Variants in RAD54L2 observed in about 807,000 individuals in gnomAD.
The protein encoded by RAD54L2 is RAD54 like 2.
A neutral mutation model predicts 138.4 loss-of-function variants in RAD54L2; 27 were observed. The ratio of observed to expected loss-of-function variants is 0.20; its 90% CI spans 0.14 to 0.27. The LOEUF is 0.27. RAD54L2 is among the 10% of genes least tolerant of loss of function. The pLI, the probability that RAD54L2 is intolerant of heterozygous loss-of-function variation, is 1.00. For synonymous variants in RAD54L2, 644 were observed against 723.2 expected, an observed-to-expected ratio of 0.89 and a Z score of 1.76; for missense variants, 1,396 against 1,890.2, an observed-to-expected ratio of 0.74 and a Z score of 4.85.
At chr3:51,611,164 T>C (rs1700317317) in intron 3 of RAD54L2, among the ~76,000 whole-genome samples, 1 of 152,074 alleles carries the variant, frequency 6.6e-6, no homozygotes, top group Admixed American at 6.6e-5. Context: ...AGAGGAGCTC[T>C]TGTTTCCTCT....
chr3:51,643,580 G>A (rs1191990652), intron 15 of RAD54L2, among the ~76,000 whole-genome samples: 1 of 152,146 alleles, frequency 6.6e-6, no homozygotes, highest in Non-Finnish European at 1.5e-5. Context: ...AATTCCCTAG[G>A]TGATTACTAT....
intron 3 of RAD54L2, among the ~76,000 whole-genome samples, chr3:51,619,019 G>A (rs1700509405): frequency 1.3e-5 from 2 of 152,146 alleles, no homozygotes; most frequent in South Asian, 4.1e-4. Context: ...GAGGCCTCTT[G>A]TCTGTTGGAA....
chr3:51,593,949 AT>A (rs879672781), intron 3 of RAD54L2, among the ~76,000 whole-genome samples: 36 of 148,866 alleles, frequency 2.4e-4, no homozygotes, highest in Admixed American at 4.0e-4. Flanking sequence ...TAATTTTTAG[AT>A]TTTTTTTCTA....
rs778807947 is a variant in RAD54L2 at position 51,633,768 on chromosome 3, T to A, written c.1008+9T>A. On this transcript the variant is annotated intron_variant, in intron 8 of 22. Coordinates refer to ENST00000684192, the MANE Select transcript of RAD54L2 (RefSeq NM_015106.4). ...TCCTTGCCATTGTGCCGGTAAGAGT[T>A]TTTGGGAAGGCACCACTTAAGTCAC... 1 of 1,613,526 alleles carries A rather than the reference T, an allele frequency of 6.2e-7. No homozygotes were observed. Among genetic ancestry groups the A allele is most frequent in the Admixed American group, 1.7e-5 (1 of 60,016 alleles).
chr3:51,567,455 AT>A (rs1559619477), intron 2 of RAD54L2, among the ~76,000 whole-genome samples: 1 of 151,908 alleles, frequency 6.6e-6, no homozygotes, highest in Admixed American at 6.6e-5. Context: ...AACTTTTGCA[AT>A]TTTTTTGTTT....
chr3:51,646,525 A>G, intron 19 of RAD54L2, 44 bp downstream of exon 19: 1 of 1,477,812 alleles, frequency 6.8e-7, no homozygotes, highest in Non-Finnish European at 9.2e-7. Context: ...GCCAGGCACA[A>G]ACACCTTTCA....
intron 3 of RAD54L2, among the ~76,000 whole-genome samples, chr3:51,607,987 G>A (rs1365045809): frequency 4.1e-5 from 6 of 147,122 alleles, no homozygotes; most frequent in South Asian, 2.2e-4. Context: ...CCCACCTCCC[G>A]GGCGGGGCAG....
intron 2 of RAD54L2, among the ~76,000 whole-genome samples, chr3:51,558,509 G>T (rs1435575005): frequency 6.6e-6 from 1 of 151,384 alleles, no homozygotes; most frequent in East Asian, 1.9e-4. Context: ...TTGCTGTGTT[G>T]CTCAGGCTAG....
In RAD54L2 at chr3:51,665,952, G is replaced by C. The variant is rs1037193310; in HGVS notation, c.*2532G>C. 1 of 152,198 alleles carries C rather than the reference G, an allele frequency of 6.6e-6. No individual in the cohort carries two copies. The highest frequency in any genetic ancestry group is 1.5e-5 in the Non-Finnish European group (1 of 68,046). The allele number at this position is 152,198 out of a possible 1,614,324, so 9.4% of individuals were successfully genotyped here. On this transcript the variant is annotated 3_prime_UTR_variant, in exon 23 of 23. Transcript: ENST00000684192. ...CCCTGGAGGGATGGGCTTGGCTTTTGAAGTTGACAGAAAGTAAATGGGTAT... is the reference window on the plus strand; with the variant it reads ...CCCTGGAGGGATGGGCTTGGCTTTTCAAGTTGACAGAAAGTAAATGGGTAT...
chr3:51,661,922 T>A (rs1701787408), intron 22 of RAD54L2, among the ~76,000 whole-genome samples: 1 of 152,222 alleles, frequency 6.6e-6, no homozygotes. Context: ...CACAATATCA[T>A]TATTACACTA....
intron 3 of RAD54L2, among the ~76,000 whole-genome samples, chr3:51,596,300 G>A (rs942000339): frequency 2.0e-5 from 3 of 150,616 alleles, no homozygotes; most frequent in Non-Finnish European, 4.4e-5. Flanking sequence ...CCGTGATAGG[G>A]AGCCCAGACC....
At position 51,637,546 on chromosome 3, in the gene RAD54L2, C is replaced by G; in HGVS notation, c.1682+43C>G. On this transcript the variant is annotated intron_variant, in intron 11 of 22. Coordinates refer to ENST00000684192, the MANE Select transcript of RAD54L2 (RefSeq NM_015106.4). The surrounding 1 kb of genome is among the most constrained non-coding windows in gnomAD (Gnocchi z 5.9). ...TCCTGCTTCCTGAATTTTCAGAGGGCCCTGTTGCCAAGGGCATGCCAAACC... is the reference window on the plus strand; with the variant it reads ...TCCTGCTTCCTGAATTTTCAGAGGGGCCTGTTGCCAAGGGCATGCCAAACC... 6.4e-7 allele frequency: 1 copy of G among 1,556,674 alleles called. No homozygotes were observed. Among genetic ancestry groups the G allele is most frequent in the Non-Finnish European group, 8.7e-7 (1 of 1,146,274 alleles).
rs752796793 is a variant in RAD54L2, at chr3:51,550,863, ATGG to A, written c.-55+9216_-55+9218del. 1.3e-4 allele frequency among the ~76,000 whole-genome samples: 20 copies of A among 152,248 alleles called. No homozygotes were observed. In the East Asian group the frequency reaches 2.7e-3, roughly 21 times the overall value. Reference sequence around the variant, plus strand: ...GGAATTCAAGAACTGCCGGGCCAACATGGTGAAACCCTGTGCTTACTAAAAATA... The same window carrying A: ...GGAATTCAAGAACTGCCGGGCCAACATGAAACCCTGTGCTTACTAAAAATA... On this transcript the variant is annotated intron_variant, in intron 2 of 22. Coordinates refer to ENST00000684192, the MANE Select transcript of RAD54L2 (RefSeq NM_015106.4).
chr3:51,608,120 G>A lies in RAD54L2; in HGVS notation c.139+17561G>A, dbSNP rs187008990. On this transcript the variant is annotated intron_variant, in intron 3 of 22. Coordinates refer to ENST00000684192, the MANE Select transcript of RAD54L2 (RefSeq NM_015106.4). ...TCCTCACTTCTCAGACGGGGCGGCC[G>A]GTCAGAGACGCTCCTCACCTCCCAG... 1.0e-2 allele frequency among the ~76,000 whole-genome samples: 1,517 copies of A among 151,732 alleles called. 26 individuals are homozygous for A. The highest frequency in any genetic ancestry group is 0.034 in the African/African-American group (1,423 of 41,344).
chr3:51,605,842 T>G (rs1482489781), intron 3 of RAD54L2, among the ~76,000 whole-genome samples: 1 of 152,202 alleles, frequency 6.6e-6, no homozygotes, highest in Non-Finnish European at 1.5e-5. Flanking sequence ...ATTGCCTTTC[T>G]CTCTGCAGCT....
At chr3:51,654,495 C>G (rs1701545087) in intron 19 of RAD54L2, among the ~76,000 whole-genome samples, 1 of 152,164 alleles carries the variant, frequency 6.6e-6, no homozygotes, top group Admixed American at 6.5e-5. Context: ...GGAGACCAGC[C>G]TTGGCAACAT....
intron 3 of RAD54L2, among the ~76,000 whole-genome samples, chr3:51,607,401 T>C (rs1700211226): frequency 6.6e-6 from 1 of 152,216 alleles, no homozygotes; most frequent in African/African-American, 2.4e-5. Context: ...ACAGCACATG[T>C]TTCAGAGAGC....
intron 19 of RAD54L2, 124 bp from the exon 20 acceptor site, chr3:51,655,847 T>A: frequency 7.3e-6 from 6 of 820,296 alleles, no homozygotes; most frequent in Non-Finnish European, 1.1e-5. Flanking sequence ...CAGATTCTTC[T>A]GATCCTTCTC....
At chr3:51,652,964 A>C (rs1701483167) in intron 19 of RAD54L2, among the ~76,000 whole-genome samples, 1 of 152,262 alleles carries the variant, frequency 6.6e-6, no homozygotes, top group Admixed American at 6.5e-5. Flanking sequence ...CTGCACAGCA[A>C]AAGAAACTAC....
Sources: gnomAD v4.1 joint callset for allele counts (sites outside exome capture counted in the v4.1 genomes callset) on GRCh38, gnomAD v4.1.1 for gene constraint, Gnocchi (gnomAD v3.1) non-coding constraint, MANE v1.5 for transcripts, NCBI Gene and HGNC (gene_info 2026-07-23, HGNC 2026-07-21) for gene names.